The following GLYATL1 variants were observed in gnomAD, a reference collection of about 807,000 sequenced individuals.
GLYATL1 encodes the protein glycine N-acyltransferase-like protein 1.
In GLYATL1, 15 loss-of-function variants were observed where a neutral mutation model predicts 20.0. The observed-to-expected ratio is 0.75, with a 90% CI of 0.50 to 1.15. GLYATL1 has a LOEUF of 1.15. GLYATL1 is among the 50% of genes most tolerant of loss of function. GLYATL1 has a pLI of 0.00. For missense variants in GLYATL1, 380 were observed against 368.5 expected (o/e 1.03, Z -0.26); for synonymous variants, 151 against 131.5 (o/e 1.15, Z -1.01).
At chr11:58,943,359 T>A in intron 1 of GLYATL1, 184 bp from the exon 2 acceptor site, 1 of 1,547,402 alleles carries the variant, frequency 6.5e-7, no homozygotes, top group Admixed American at 2.0e-5. Context: ...TTTGTTTCTG[T>A]ACCTGATTTC....
At chr11:58,943,440 C>T (rs879391173) in intron 1 of GLYATL1, 103 bp from the exon 2 acceptor site, 6 of 1,527,444 alleles carry the variant, frequency 3.9e-6, no homozygotes, top group South Asian at 2.5e-5. Flanking sequence ...CCCGGAGCCT[C>T]GGTGAATCTG....
chr11:58,910,111 C>A (rs1855003507), downstream of GLYATL1, among the ~76,000 whole-genome samples: 2 of 151,884 alleles, frequency 1.3e-5, no homozygotes, highest in South Asian at 4.2e-4. Flanking sequence ...ACTGAGAGGG[C>A]ACTTACAGAT....
chr11:58,953,371 T>G (rs1471086532), intron 4 of GLYATL1, among the ~76,000 whole-genome samples: 1 of 151,212 alleles, frequency 6.6e-6, no homozygotes, highest in Non-Finnish European at 1.5e-5. Flanking sequence ...TCTGTTTCTG[T>G]TCTCATAGCT....
At chr11:58,947,734 T>A (rs1311359324) in intron 3 of GLYATL1, 124 bp from the exon 4 acceptor site, 11 of 697,314 alleles carry the variant, frequency 1.6e-5, no homozygotes, top group Non-Finnish European at 2.9e-5. Context: ...ATACTGCTCA[T>A]CTCACCATCA....
intron 4 of GLYATL1, 103 bp downstream of exon 4, chr11:58,948,068 G>A (rs1856708822): frequency 9.2e-6 from 7 of 757,950 alleles, no homozygotes; most frequent in Admixed American, 3.8e-5. Context: ...GAAAGGAAAC[G>A]TGAGTATTTT....
chr11:58,906,373 C>T (rs959776987), intron 1 of GLYATL1, among the ~76,000 whole-genome samples: 10 of 152,138 alleles, frequency 6.6e-5, no homozygotes, highest in African/African-American at 2.2e-4. Flanking sequence ...CCCTGGTGCC[C>T]TTTGCACCCA....
At chr11:58,916,358 A>G (rs763467527) in intron 1 of GLYATL1, among the ~76,000 whole-genome samples, 3 of 152,232 alleles carry the variant, frequency 2.0e-5, no homozygotes, top group Non-Finnish European at 4.4e-5. Flanking sequence ...TAGGGCTGAA[A>G]GTACGATTAC....
chr11:58,914,710 T>C lies in GLYATL1; in HGVS notation n.264+9049T>C, dbSNP rs886135277. On this transcript the variant is annotated intron_variant and non_coding_transcript_variant, in intron 1 of 2. Coordinates refer to the GLYATL1 transcript ENST00000534674. Reference sequence around the variant, plus strand: ...TTGAATGAGAATTATGATAGAATGCTTCTTATCTTAGTTTCTTTATGGTAT... The same window carrying C: ...TTGAATGAGAATTATGATAGAATGCCTCTTATCTTAGTTTCTTTATGGTAT... 9.8e-5 allele frequency among the ~76,000 whole-genome samples: 15 copies of C among 152,324 alleles called. 1 individual carries two copies. The South Asian group carries it at 1.0e-3, about 11-fold the overall frequency.
upstream of GLYATL1, among the ~76,000 whole-genome samples, chr11:58,923,868 A>G (rs1452808234): frequency 6.6e-6 from 1 of 152,226 alleles, no homozygotes; most frequent in Non-Finnish European, 1.5e-5. Flanking sequence ...ATTACCTGTC[A>G]CCTGTGAATT....
chr11:58,937,898 G>A (rs1210245675), upstream of GLYATL1, among the ~76,000 whole-genome samples: 1 of 152,112 alleles, frequency 6.6e-6, no homozygotes, highest in Non-Finnish European at 1.5e-5. Flanking sequence ...AGAGGGTGGG[G>A]CTCCATCAAC....
At chr11:58,926,330 C>T (rs777908777), upstream of GLYATL1, among the ~76,000 whole-genome samples, 5 of 152,150 alleles carry the variant, frequency 3.3e-5, no homozygotes, top group African/African-American at 9.7e-5. Context: ...AAGGTCTGCT[C>T]GTTCATTGAC....
intron 1 of GLYATL1, chr11:58,943,188 G>C (rs1326312114): frequency 7.6e-7 from 1 of 1,319,062 alleles, no homozygotes; most frequent in East Asian, 2.6e-5. Context: ...CTGTAACGTA[G>C]CTTAATCATC....
downstream of GLYATL1, among the ~76,000 whole-genome samples, chr11:58,909,429 A>T (rs1322787014): frequency 6.6e-6 from 1 of 152,142 alleles, no homozygotes; most frequent in Non-Finnish European, 1.5e-5. Flanking sequence ...AATGGATGAG[A>T]CTTTTGGAGG....
At chr11:58,924,367 C>T (rs575281657), upstream of GLYATL1, among the ~76,000 whole-genome samples, 49 of 152,232 alleles carry the variant, frequency 3.2e-4, no homozygotes, top group African/African-American at 1.2e-3. Flanking sequence ...CAGACTTAAC[C>T]GGGGAAGCCT....
At position 58,955,245 on chromosome 11, in the gene GLYATL1, C is replaced by G; in HGVS notation, c.383C>G (p.Ser128Trp). The G allele has an allele frequency of 1.2e-6, 2 of 1,613,972 alleles. No individual in the cohort carries two copies. Among genetic ancestry groups the G allele is most frequent in the Non-Finnish European group, 1.7e-6 (2 of 1,179,908 alleles). Reference protein sequence around the residue: ...TFSKSVKVEHSRALLLVTEDI... With the variant: ...TFSKSVKVEHWRALLLVTEDI... The stretch of plus-strand genomic sequence containing the variant: ...TCAAAGTCAGTGAAAGTAGAGCATT[C>G]GAGAGCACTCCTCTTGGTTACGGAA... The change falls in exon 6 of 7, where the codon TCG (serine) becomes TGG (tryptophan). Residue 128 changes from serine (S) to tryptophan (W), a missense_variant. Ser to Trp is a radical substitution (Grantham distance 177). Transcript: ENST00000532726.
chr11:58,920,268 G>A (rs1187907400), intron 1 of GLYATL1, among the ~76,000 whole-genome samples: 1 of 152,108 alleles, frequency 6.6e-6, no homozygotes, highest in Non-Finnish European at 1.5e-5. Flanking sequence ...TCCTGCAACT[G>A]CAGGAGGAAA....
At chr11:58,926,751 A>G (rs1194250701), upstream of GLYATL1, among the ~76,000 whole-genome samples, 1 of 152,254 alleles carries the variant, frequency 6.6e-6, no homozygotes, top group Non-Finnish European at 1.5e-5. Flanking sequence ...AATAACGTGA[A>G]GTTTAAAAAG....
intron 1 of GLYATL1, 80 bp from the exon 2 acceptor site, chr11:58,943,463 A>G (rs1590795230): frequency 6.5e-7 from 1 of 1,532,492 alleles, no homozygotes; most frequent in East Asian, 2.5e-5. Flanking sequence ...GTGATTTTGT[A>G]GGCTGCCGGA....
At chr11:58,933,247 G>A (rs1855680890) in intron 1 of GLYATL1, among the ~76,000 whole-genome samples, 1 of 152,174 alleles carries the variant, frequency 6.6e-6, no homozygotes, top group South Asian at 2.1e-4. Flanking sequence ...TAGATGAGAG[G>A]TCAGTGCTGC....
Sources: gnomAD v4.1 joint callset for allele counts (sites outside exome capture counted in the v4.1 genomes callset) on GRCh38, gnomAD v4.1.1 for gene constraint, MANE v1.5 for transcripts, NCBI Gene and HGNC (gene_info 2026-07-23, HGNC 2026-07-21) for gene names.